Variants in KCNMA1 observed in about 807,000 individuals in gnomAD.
KCNMA1 encodes potassium calcium-activated channel subfamily M alpha 1, also known as Calcium-activated potassium channel subunit alpha-1.
In KCNMA1, 29 loss-of-function variants were observed where a neutral mutation model predicts 140.0. The observed-to-expected ratio is 0.21, with a 90% CI of 0.15 to 0.28. The LOEUF (loss-of-function observed/expected upper bound fraction) is 0.28, where lower values mean the gene tolerates loss of function less well. Among genes scored for constraint, KCNMA1 ranks in the 10% least tolerant of loss-of-function variants. KCNMA1 has a pLI of 1.00. For missense variants in KCNMA1, 880 were observed against 1,602.2 expected, an observed-to-expected ratio of 0.55 and a Z score of 7.70; for synonymous variants, 612 against 611.9, an observed-to-expected ratio of 1.00 and a Z score of 0.00.
intron 2 of KCNMA1, among the ~76,000 whole-genome samples, chr10:77,364,482 A>G (rs563871571): frequency 6.6e-6 from 1 of 152,296 alleles, no homozygotes; most frequent in African/African-American, 2.4e-5. Context: ...AAAGAAAAAA[A>G]GAGAAAGAAA....
At chr10:77,133,895 T>A (rs1431128988) in intron 5 of KCNMA1, among the ~76,000 whole-genome samples, 1 of 152,044 alleles carries the variant, frequency 6.6e-6, no homozygotes, top group East Asian at 1.9e-4. Context: ...ATCATCTAAG[T>A]CACATTTACC....
In KCNMA1 at chr10:76,896,484, G is replaced by A. The variant is rs140636809; in HGVS notation, c.3148-4765C>T. 7.1e-3 allele frequency among the ~76,000 whole-genome samples: 1,082 copies of A among 152,230 alleles called. 8 individuals are homozygous for A. Among genetic ancestry groups the A allele is most frequent in the South Asian group, 0.025 (119 of 4,822 alleles). On this transcript the variant is annotated intron_variant, in intron 25 of 27. Transcript: ENST00000286628. Reference sequence around the variant, plus strand: ...CGGAATCATCACAGGGTCCTGAGGCGACATACATCCTCAGCTTACAAAGAT... The same window carrying A: ...CGGAATCATCACAGGGTCCTGAGGCAACATACATCCTCAGCTTACAAAGAT...
At chr10:77,196,323 T>C (rs1191582428) in intron 3 of KCNMA1, among the ~76,000 whole-genome samples, 1 of 152,180 alleles carries the variant, frequency 6.6e-6, no homozygotes, top group East Asian at 1.9e-4. Context: ...AATGGGTCTC[T>C]GTACTGAAGA....
chr10:77,298,922 T>G (rs1327465718), intron 2 of KCNMA1, among the ~76,000 whole-genome samples: 1 of 152,146 alleles, frequency 6.6e-6, no homozygotes, highest in African/African-American at 2.4e-5. Flanking sequence ...GCCCTGAACA[T>G]TCATGGGACC....
At chr10:77,512,886 A>AT (rs1313567360) in intron 1 of KCNMA1, among the ~76,000 whole-genome samples, 6 of 152,160 alleles carry the variant, frequency 3.9e-5, no homozygotes, top group Non-Finnish European at 7.4e-5. Context: ...CCGTTCCACT[A>AT]TTAACTCCCA....
intron 9 of KCNMA1, among the ~76,000 whole-genome samples, chr10:77,093,404 C>T (rs192552645): frequency 6.6e-6 from 1 of 152,178 alleles, no homozygotes; most frequent in African/African-American, 2.4e-5. Context: ...TGGCCTCCCC[C>T]TTTTGTGCCA....
At chr10:77,024,770 T>C (rs1367245679) in intron 16 of KCNMA1, among the ~76,000 whole-genome samples, 1 of 152,164 alleles carries the variant, frequency 6.6e-6, no homozygotes, top group Non-Finnish European at 1.5e-5. Flanking sequence ...GGCAATTTAA[T>C]AGCAGTGTTC....
intron 1 of KCNMA1, among the ~76,000 whole-genome samples, chr10:77,523,902 G>A (rs995926375): frequency 6.6e-6 from 1 of 152,122 alleles, no homozygotes; most frequent in Non-Finnish European, 1.5e-5. Flanking sequence ...GGTGACTATA[G>A]TCAATAATAA....
At chr10:76,991,714 G>C (rs975496907) in intron 19 of KCNMA1, among the ~76,000 whole-genome samples, 2 of 152,178 alleles carry the variant, frequency 1.3e-5, no homozygotes, top group Non-Finnish European at 2.9e-5. Flanking sequence ...AATATAGGAA[G>C]CCCAGCCAAG....
chr10:77,414,965 A>C (rs192950003), intron 1 of KCNMA1, among the ~76,000 whole-genome samples: 2 of 152,278 alleles, frequency 1.3e-5, no homozygotes, highest in African/African-American at 4.8e-5. Context: ...CAGAGATGGA[A>C]TCTCCATATA....
intron 1 of KCNMA1, among the ~76,000 whole-genome samples, chr10:77,609,731 T>G (rs954697990): frequency 1.3e-5 from 2 of 150,766 alleles, no homozygotes; most frequent in Admixed American, 6.6e-5. Flanking sequence ...CAGAGAAAAT[T>G]TTAATAATAA....
intron 1 of KCNMA1, among the ~76,000 whole-genome samples, chr10:77,557,929 A>G (rs1483145174): frequency 6.6e-6 from 1 of 152,148 alleles, no homozygotes; most frequent in Non-Finnish European, 1.5e-5. Flanking sequence ...CCATTCTCTA[A>G]GCAAATAAGC....
chr10:76,995,457 T>C (rs1445018519), intron 19 of KCNMA1: 1 of 422,868 alleles, frequency 2.4e-6, no homozygotes, highest in Non-Finnish European at 5.0e-6. Flanking sequence ...CCTGCTCTAA[T>C]TCAAACCTCT....
chr10:77,475,165 T>C (rs575563941), intron 1 of KCNMA1, among the ~76,000 whole-genome samples: 1 of 152,308 alleles, frequency 6.6e-6, no homozygotes, highest in South Asian at 2.1e-4. Flanking sequence ...AGTGCACGTG[T>C]TGTGTACCAG....
intron 1 of KCNMA1, among the ~76,000 whole-genome samples, chr10:77,413,043 A>C (rs2096653666): frequency 6.6e-6 from 1 of 152,076 alleles, no homozygotes; most frequent in South Asian, 2.1e-4. Context: ...TTTTTAGTAC[A>C]GACAGGGTTT....
In KCNMA1 at chr10:77,456,773, C is replaced by T. The variant is rs116265039; in HGVS notation, c.379-52750G>A. 4.9e-3 allele frequency among the ~76,000 whole-genome samples: 744 copies of T among 152,202 alleles called. 4 individuals are homozygous for T. The highest frequency in any genetic ancestry group is 0.016 in the African/African-American group (678 of 41,538). Reference sequence around the variant, plus strand: ...TGTGCTTGAGATCAGGGAAAGCTGACCAAGAAGATGGGACACAGTTGATTC... The same window carrying T: ...TGTGCTTGAGATCAGGGAAAGCTGATCAAGAAGATGGGACACAGTTGATTC... On this transcript the variant is annotated intron_variant, in intron 1 of 27. Coordinates refer to ENST00000286628, the MANE Select transcript of KCNMA1 (RefSeq NM_001161352.2).
At chr10:77,079,923 T>A (rs2153734237) in intron 12 of KCNMA1, among the ~76,000 whole-genome samples, 1 of 152,338 alleles carries the variant, frequency 6.6e-6, no homozygotes, top group South Asian at 2.1e-4. Flanking sequence ...TTGGAATATG[T>A]TCATAGTGAC....
chr10:77,483,464 T>C (rs1443408100), intron 1 of KCNMA1, among the ~76,000 whole-genome samples: 2 of 152,268 alleles, frequency 1.3e-5, no homozygotes, highest in African/African-American at 4.8e-5. Flanking sequence ...GAGAAAGGCA[T>C]GCGCCACTCC....
chr10:77,622,270 A>G (rs1424041597), intron 1 of KCNMA1, among the ~76,000 whole-genome samples: 2 of 152,212 alleles, frequency 1.3e-5, no homozygotes, highest in South Asian at 2.1e-4. Flanking sequence ...GGGACCTCAC[A>G]TCTCTCCAGG....
Sources: allele counts gnomAD v4.1 joint callset (sites outside exome capture counted in the v4.1 genomes callset), GRCh38; gene constraint gnomAD v4.1.1; transcripts MANE v1.5; gene names NCBI Gene and HGNC (gene_info 2026-07-23, HGNC 2026-07-21).